The following TENM2 variants were observed in gnomAD, a reference collection of about 807,000 sequenced individuals.
TENM2 encodes the protein teneurin-2.
A neutral mutation model predicts 245.2 loss-of-function variants in TENM2; 52 were observed. The ratio of observed to expected loss-of-function variants is 0.21; its 90% CI spans 0.17 to 0.27. The LOEUF (loss-of-function observed/expected upper bound fraction) is 0.27, where lower values mean the gene tolerates loss of function less well. Ranked by LOEUF, TENM2 falls within the 10% of genes least tolerant of loss-of-function variation. TENM2 has a pLI of 1.00. For synonymous variants in TENM2, 1,363 were observed against 1,438.9 expected, an observed-to-expected ratio of 0.95 and a Z score of 1.19; for missense variants, 3,046 against 3,666.8, an observed-to-expected ratio of 0.83 and a Z score of 4.37.
At chr5:167,952,670 G>T (rs140108111) in exon 4 of TENM2, 4 of 1,611,990 alleles carry the variant, frequency 2.5e-6, no homozygotes. Context: ...ATCACCACTC[G>T]TCCGCCAACT....
chr5:167,876,528 A>G (rs761071587), intron 3 of TENM2, among the ~76,000 whole-genome samples: 1 of 152,198 alleles, frequency 6.6e-6, no homozygotes, highest in African/African-American at 2.4e-5. Context: ...GGTTCTGGTC[A>G]TAGCTGAGTG....
chr5:168,074,272 G>T (rs1187238700), intron 7 of TENM2, among the ~76,000 whole-genome samples: 1 of 152,002 alleles, frequency 6.6e-6, no homozygotes, highest in Non-Finnish European at 1.5e-5. Flanking sequence ...TTTTAGGCTT[G>T]ATATATGGAG....
intron 2 of TENM2, among the ~76,000 whole-genome samples, chr5:167,745,394 G>C (rs1435309459): frequency 6.6e-6 from 1 of 152,188 alleles, no homozygotes; most frequent in Non-Finnish European, 1.5e-5. Context: ...CTCCATGCTG[G>C]CTATGGTGTG....
At chr5:167,605,616 A>G (rs1228795952) in intron 2 of TENM2, among the ~76,000 whole-genome samples, 1 of 152,200 alleles carries the variant, frequency 6.6e-6, no homozygotes, top group Non-Finnish European at 1.5e-5. Context: ...TAGAGTAGAT[A>G]TCACATGGTG....
At chr5:167,585,651 A>G (rs1050620742) in intron 2 of TENM2, among the ~76,000 whole-genome samples, 4 of 152,178 alleles carry the variant, frequency 2.6e-5, no homozygotes, top group African/African-American at 7.2e-5. Context: ...TTGTATTTCT[A>G]TGTTACACAA....
At chr5:167,991,735 A>T (rs1310949988) in intron 4 of TENM2, among the ~76,000 whole-genome samples, 1 of 152,232 alleles carries the variant, frequency 6.6e-6, no homozygotes, top group East Asian at 1.9e-4. Flanking sequence ...AATAATCATG[A>T]TCACATGACC....
At chr5:168,258,197 A>C (rs1767852093) in intron 27 of TENM2, among the ~76,000 whole-genome samples, 1 of 152,206 alleles carries the variant, frequency 6.6e-6, no homozygotes, top group South Asian at 2.1e-4. Flanking sequence ...AGCATTATTC[A>C]TAATAGTAAA....
the TENM2 span, among the ~76,000 whole-genome samples, chr5:167,108,466 C>G: frequency 5.9e-5 from 9 of 152,148 alleles, no homozygotes; most frequent in Admixed American, 3.9e-4. Flanking sequence ...TTTGCCTTCC[C>G]CACAAAAGCC....
intron 1 of TENM2, among the ~76,000 whole-genome samples, chr5:167,334,921 C>G (rs183586512): frequency 7.7e-4 from 118 of 152,296 alleles, no homozygotes; most frequent in Admixed American, 2.2e-3. Flanking sequence ...TGATATTTAA[C>G]TCAAATTTCA....
At chr5:167,101,849 TTATATATATATA>T in the TENM2 span, among the ~76,000 whole-genome samples, 61 of 69,438 alleles carry the variant, frequency 8.8e-4, 3 homozygotes, top group African/African-American at 2.8e-3. Flanking sequence ...ATATATATAT[TTATATATATATA>T]TATATATATA....
intron 3 of TENM2, among the ~76,000 whole-genome samples, chr5:167,931,024 G>C (rs1778242379): frequency 6.6e-6 from 1 of 152,104 alleles, no homozygotes; most frequent in Non-Finnish European, 1.5e-5. Flanking sequence ...GCAAACTAGT[G>C]CAGCACCATT....
the TENM2 span, among the ~76,000 whole-genome samples, chr5:167,148,656 C>T: frequency 6.6e-6 from 1 of 152,248 alleles, no homozygotes; most frequent in East Asian, 1.9e-4. Flanking sequence ...TATTCAGGTG[C>T]CTTCTTAGAA....
intron 11 of TENM2, among the ~76,000 whole-genome samples, chr5:168,125,325 A>T (rs1387941749): frequency 6.6e-6 from 1 of 152,160 alleles, no homozygotes; most frequent in Non-Finnish European, 1.5e-5. Context: ...TCTTATGTAC[A>T]TTCCCTAAAG....
At chr5:167,145,090 T>C in the TENM2 span, among the ~76,000 whole-genome samples, 2 of 152,180 alleles carry the variant, frequency 1.3e-5, no homozygotes, top group Non-Finnish European at 2.9e-5. Flanking sequence ...TCTGCCTCTC[T>C]CCTAAGTACC....
chr5:167,074,635 G>A, the TENM2 span, among the ~76,000 whole-genome samples: 1 of 152,186 alleles, frequency 6.6e-6, no homozygotes, highest in Non-Finnish European at 1.5e-5. Context: ...CATTTTGATG[G>A]CGAAGTAATT....
chr5:167,884,752 C>A (rs1774152769), intron 3 of TENM2, among the ~76,000 whole-genome samples: 1 of 152,156 alleles, frequency 6.6e-6, no homozygotes, highest in Non-Finnish European at 1.5e-5. Context: ...CTTGCTTTGA[C>A]CTCTTTTGGA....
At chr5:167,372,042 T>C (rs2127300087) in intron 1 of TENM2, among the ~76,000 whole-genome samples, 1 of 152,230 alleles carries the variant, frequency 6.6e-6, no homozygotes, top group Admixed American at 6.5e-5. Flanking sequence ...ATGGTGGCAT[T>C]GGCAAGGAGT....
chr5:167,117,820 C>T, the TENM2 span, among the ~76,000 whole-genome samples: 1 of 151,028 alleles, frequency 6.6e-6, no homozygotes, highest in African/African-American at 2.4e-5. Context: ...GGATCATCCC[C>T]TCCCCCTCCC....
chr5:167,520,183 T>C (rs1770662750), intron 2 of TENM2, among the ~76,000 whole-genome samples: 2 of 152,304 alleles, frequency 1.3e-5, no homozygotes, highest in African/African-American at 4.8e-5. Context: ...AGTTGAGTTT[T>C]AAAGTATTTT....
Sources: gnomAD v4.1 joint callset for allele counts (sites outside exome capture counted in the v4.1 genomes callset) on GRCh38, gnomAD v4.1.1 for gene constraint, MANE v1.5 for transcripts, NCBI Gene and HGNC (gene_info 2026-07-23, HGNC 2026-07-21) for gene names.